The following RPRD2 variants were observed in gnomAD, a reference collection of about 807,000 sequenced individuals.
RPRD2 encodes the protein regulation of nuclear pre-mRNA domain containing 2.
In RPRD2, 12 loss-of-function variants were observed where a neutral mutation model predicts 104.4. The observed-to-expected ratio is 0.11, with a 90% CI of 0.07 to 0.19. The LOEUF (loss-of-function observed/expected upper bound fraction) is 0.19, where lower values mean the gene tolerates loss of function less well. RPRD2 is among the 10% of genes least tolerant of loss of function. The pLI, the probability that RPRD2 is intolerant of heterozygous loss-of-function variation, is 1.00. For synonymous variants in RPRD2, 714 were observed against 684.9 expected, an observed-to-expected ratio of 1.04 and a Z score of -0.66; for missense variants, 1,543 against 1,790.1, an observed-to-expected ratio of 0.86 and a Z score of 2.49.
In RPRD2 at chr1:150,446,295, A is replaced by G; in HGVS notation, c.764A>G (p.Asn255Ser). The G allele has an allele frequency of 1.2e-6, 2 of 1,610,638 alleles. No individual in the cohort carries two copies. Among genetic ancestry groups the G allele is most frequent in the Non-Finnish European group, 1.7e-6 (2 of 1,179,136 alleles). The change falls in exon 7 of 11, where the codon AAT (asparagine) becomes AGT (serine). Residue 255 changes from asparagine to serine, a missense_variant. By Grantham distance (46) the Asn-to-Ser change is conservative (BLOSUM62 1). Coordinates refer to ENST00000369068, the MANE Select transcript of RPRD2 (RefSeq NM_015203.5). ...EASSKLEEFV[N>S]GLDKQVKNGP... Reference sequence around the variant, plus strand: ...AGCTCCAAGCTGGAAGAATTTGTGAATGGATTAGATAAGCAGGTGAAAAAC... The same window carrying G: ...AGCTCCAAGCTGGAAGAATTTGTGAGTGGATTAGATAAGCAGGTGAAAAAC...
chr1:150,446,950 C>G (rs908289050), intron 7 of RPRD2, among the ~76,000 whole-genome samples: 4 of 151,736 alleles, frequency 2.6e-5, no homozygotes, highest in Non-Finnish European at 5.9e-5. Context: ...ATTCTCCTGC[C>G]TTAGCCCCGC....
chr1:150,420,911 C>T (rs1169931330), intron 2 of RPRD2, among the ~76,000 whole-genome samples: 2 of 152,180 alleles, frequency 1.3e-5, no homozygotes, highest in Admixed American at 1.3e-4. Context: ...ATATAATTAT[C>T]TACATCAGGG....
chr1:150,415,283 GATTGTGCC>G (rs1664250973), intron 1 of RPRD2, among the ~76,000 whole-genome samples: 1 of 151,998 alleles, frequency 6.6e-6, no homozygotes, highest in Non-Finnish European at 1.5e-5. Flanking sequence ...AGTGAGCCGA[GATTGTGCC>G]ATTGCACTCT....
chr1:150,453,238 G>A (rs1262210116), intron 7 of RPRD2, among the ~76,000 whole-genome samples: 1 of 151,596 alleles, frequency 6.6e-6, no homozygotes, highest in Non-Finnish European at 1.5e-5. Flanking sequence ...TCACCATATT[G>A]GTCAAGCTGG....
chr1:150,404,719 C>G (rs587648979), intron 1 of RPRD2, among the ~76,000 whole-genome samples: 2 of 152,260 alleles, frequency 1.3e-5, no homozygotes, highest in South Asian at 4.1e-4. Flanking sequence ...GTACTCTTTC[C>G]CCAGCCTCTT....
intron 4 of RPRD2, among the ~76,000 whole-genome samples, 168 bp downstream of exon 4, chr1:150,442,126 T>TAAAAA (rs59941019): frequency 1.6e-5 from 2 of 126,530 alleles, no homozygotes; most frequent in South Asian, 2.5e-4. Context: ...GAGATACTTC[T>TAAAAA]AAAAAAAAAA....
chr1:150,384,809 A>G (rs1661443016), intron 1 of RPRD2, among the ~76,000 whole-genome samples: 1 of 152,020 alleles, frequency 6.6e-6, no homozygotes, highest in Non-Finnish European at 1.5e-5. Context: ...ACCCAGCCAA[A>G]AGGCATGATT....
At chr1:150,450,334 C>T (rs1466877950) in intron 7 of RPRD2, among the ~76,000 whole-genome samples, 2 of 151,830 alleles carry the variant, frequency 1.3e-5, no homozygotes, top group African/African-American at 2.4e-5. Flanking sequence ...TAGCCGGGTG[C>T]GGTGGCTCAC....
intron 1 of RPRD2, among the ~76,000 whole-genome samples, chr1:150,416,989 C>T (rs587647047): frequency 6.6e-6 from 1 of 152,220 alleles, no homozygotes; most frequent in South Asian, 2.1e-4. Context: ...AGCAGAGCCT[C>T]CCTCCAGTAG....
chr1:150,419,134 T>G (rs1418319316), intron 2 of RPRD2, among the ~76,000 whole-genome samples: 1 of 152,230 alleles, frequency 6.6e-6, no homozygotes, highest in East Asian at 1.9e-4. Context: ...TACAAACTTA[T>G]ATCTGATCTT....
At position 150,473,475 on chromosome 1, in the gene RPRD2, AATCAC is replaced by A; in HGVS notation, c.*144_*148del. The A allele has an allele frequency of 4.3e-6, 3 of 704,378 alleles. No individual in the cohort carries two copies. Among genetic ancestry groups the A allele is most frequent in the Non-Finnish European group, 6.7e-6 (3 of 451,068 alleles). The allele number at this position is 704,378 out of a possible 1,614,324, so 43.6% of individuals were successfully genotyped here. ...AAAGGGCCTCTCTTCCAAAGTAAGAAATCACATACGCTTACGTTTTACTATTCAAT... is the reference window on the plus strand; with the variant it reads ...AAAGGGCCTCTCTTCCAAAGTAAGAAATACGCTTACGTTTTACTATTCAAT... On this transcript the variant is annotated 3_prime_UTR_variant, in exon 11 of 11. Coordinates refer to ENST00000369068, the MANE Select transcript of RPRD2 (RefSeq NM_015203.5).
chr1:150,395,787 G>A (rs1440234450), intron 1 of RPRD2, among the ~76,000 whole-genome samples: 3 of 152,170 alleles, frequency 2.0e-5, no homozygotes, highest in African/African-American at 7.2e-5. Flanking sequence ...GGGATTACAG[G>A]CGTGAGCCAC....
At chr1:150,411,838 G>C (rs1553887735) in intron 1 of RPRD2, among the ~76,000 whole-genome samples, 2 of 146,692 alleles carry the variant, frequency 1.4e-5, no homozygotes, top group Non-Finnish European at 3.0e-5. Flanking sequence ...AAAGAAGAAG[G>C]CAGTAGGCTA....
chr1:150,381,260 C>CAAA (rs36036461), intron 1 of RPRD2, among the ~76,000 whole-genome samples: 1 of 134,332 alleles, frequency 7.4e-6, no homozygotes, highest in Non-Finnish European at 1.6e-5. Flanking sequence ...CCCATCTCTA[C>CAAA]AAAAAAAAAA....
At chr1:150,426,531 G>A (rs1195412833) in intron 2 of RPRD2, among the ~76,000 whole-genome samples, 5 of 152,066 alleles carry the variant, frequency 3.3e-5, no homozygotes, top group Non-Finnish European at 5.9e-5. Context: ...TCTAAAAATC[G>A]GTGAGCTAAG....
At chr1:150,417,750 G>A in intron 2 of RPRD2, 25 bp downstream of exon 2, 1 of 1,544,414 alleles carries the variant, frequency 6.5e-7, no homozygotes, top group Non-Finnish European at 8.8e-7. Context: ...ATTGCTCTAT[G>A]GGATCTAAAC....
intron 10 of RPRD2, among the ~76,000 whole-genome samples, chr1:150,469,896 CT>C (rs2102441172): frequency 6.6e-6 from 1 of 152,100 alleles, no homozygotes; most frequent in African/African-American, 2.4e-5. Context: ...CTTTGTAAGT[CT>C]TTGTGGTGTA....
rs181198755 is a variant in RPRD2 at position 150,471,956 on chromosome 1, C to T, written c.3008C>T (p.Thr1003Ile). ...VEKVLASTIS[T>I]TSTIEFKNML... is the part of the protein sequence containing the mutation. ...AAAGTCCTGGCCTCCACCATTTCCA[C>T]CACGTCGACGATTGAATTTAAGAAT... Residue 1003 changes from threonine to isoleucine, a missense_variant, in exon 11 of 11, where the codon ACC becomes ATC. By Grantham distance (89) the Thr-to-Ile change is moderately conservative. Coordinates refer to ENST00000369068, the MANE Select transcript of RPRD2 (RefSeq NM_015203.5). This position sits in a 1 kb window ranked among gnomAD's most constrained non-coding sequence, Gnocchi z 5.3. 7.7e-4 allele frequency: 1,241 copies of T among 1,613,962 alleles called. 1 individual carries two copies. Among genetic ancestry groups the T allele is most frequent in the Non-Finnish European group, 9.9e-4 (1,165 of 1,179,878 alleles).
intron 1 of RPRD2, among the ~76,000 whole-genome samples, chr1:150,394,052 CTCTTT>C (rs1553883704): frequency 6.6e-6 from 1 of 151,992 alleles, no homozygotes; most frequent in Non-Finnish European, 1.5e-5. Flanking sequence ...TTGTTTTCTT[CTCTTT>C]TCTTTTGAGA....
Sources: allele counts gnomAD v4.1 joint callset (sites outside exome capture counted in the v4.1 genomes callset), GRCh38; gene constraint gnomAD v4.1.1; non-coding constraint Gnocchi (gnomAD v3.1); transcripts MANE v1.5; gene names NCBI Gene and HGNC (gene_info 2026-07-23, HGNC 2026-07-21).